SHISA9: variants seen among roughly 807,000 people sequenced by gnomAD.
SHISA9 encodes the protein shisa family member 9.
A neutral mutation model predicts 38.0 loss-of-function variants in SHISA9; 13 were observed. The observed-to-expected ratio is 0.34, with a 90% CI of 0.22 to 0.54. The LOEUF (loss-of-function observed/expected upper bound fraction) is 0.54. Ranked by LOEUF, SHISA9 falls within the 20% of genes least tolerant of loss-of-function variation. The pLI, the probability that SHISA9 is intolerant of heterozygous loss-of-function variation, is 0.91. For synonymous variants in SHISA9, 275 were observed against 242.0 expected (o/e 1.14, Z -1.27); for missense variants, 538 against 575.8 (o/e 0.93, Z 0.67).
the SHISA9 span, among the ~76,000 whole-genome samples, chr16:13,414,585 T>G: frequency 7.9e-5 from 12 of 151,772 alleles, no homozygotes; most frequent in African/African-American, 2.4e-4. Context: ...ATGTAGGGGC[T>G]CAAAACAAAT....
At chr16:13,037,541 G>A (rs2073089227) in intron 2 of SHISA9, among the ~76,000 whole-genome samples, 1 of 152,034 alleles carries the variant, frequency 6.6e-6, no homozygotes, top group Non-Finnish European at 1.5e-5. Flanking sequence ...GTGGATGAGA[G>A]AATGGGGGCA....
chr16:13,459,336 G>A, the SHISA9 span, among the ~76,000 whole-genome samples: 1 of 152,006 alleles, frequency 6.6e-6, no homozygotes, highest in South Asian at 2.1e-4. Context: ...GTGACATGGG[G>A]GGAGGAGGGT....
At chr16:12,996,089 C>G (rs1337662188) in intron 2 of SHISA9, among the ~76,000 whole-genome samples, 1 of 152,180 alleles carries the variant, frequency 6.6e-6, no homozygotes, top group Non-Finnish European at 1.5e-5. Context: ...GTACACGTGC[C>G]TCTTTTTATC....
chr16:13,014,393 C>T (rs1203340700), intron 2 of SHISA9, among the ~76,000 whole-genome samples: 1 of 152,128 alleles, frequency 6.6e-6, no homozygotes, highest in Non-Finnish European at 1.5e-5. Context: ...TTTCTGAGCC[C>T]ACTTGTTAAC....
intron 2 of SHISA9, among the ~76,000 whole-genome samples, chr16:13,081,875 A>G (rs142032859): frequency 1.5e-3 from 224 of 150,918 alleles, no homozygotes; most frequent in Non-Finnish European, 2.8e-3. Context: ...AAAGGTTTCT[A>G]CTGATCAACT....
At chr16:13,169,084 C>T (rs1015705485) in intron 2 of SHISA9, among the ~76,000 whole-genome samples, 9 of 152,178 alleles carry the variant, frequency 5.9e-5, no homozygotes, top group South Asian at 4.1e-4. Flanking sequence ...ATGACCCCTA[C>T]GGAAGACCTC....
the SHISA9 span, among the ~76,000 whole-genome samples, chr16:13,426,534 C>T: frequency 5.9e-5 from 9 of 152,088 alleles, no homozygotes; most frequent in African/African-American, 1.9e-4. Context: ...TCATAGAGGG[C>T]GCCACAGAGA....
chr16:13,039,189 A>G (rs1362514572), intron 2 of SHISA9, among the ~76,000 whole-genome samples: 1 of 152,178 alleles, frequency 6.6e-6, no homozygotes, highest in East Asian at 1.9e-4. Flanking sequence ...GATTACAGGC[A>G]TAAGCCACCG....
chr16:13,306,703 C>T, the SHISA9 span, among the ~76,000 whole-genome samples: 1 of 152,126 alleles, frequency 6.6e-6, no homozygotes, highest in Non-Finnish European at 1.5e-5. Context: ...TAACATCTTT[C>T]AGAGCAAGAC....
At chr16:13,376,526 T>C in the SHISA9 span, among the ~76,000 whole-genome samples, 1 of 152,198 alleles carries the variant, frequency 6.6e-6, no homozygotes, top group Non-Finnish European at 1.5e-5. Context: ...GCTGTTTTTT[T>C]CCAGAGAGTC....
intron 4 of SHISA9, among the ~76,000 whole-genome samples, chr16:13,216,284 CTTG>C (rs900526981): frequency 2.6e-5 from 4 of 151,340 alleles, no homozygotes; most frequent in South Asian, 2.1e-4. Flanking sequence ...ATTTGCTAGT[CTTG>C]TTGTCTTCAA....
At chr16:13,366,859 T>C in the SHISA9 span, among the ~76,000 whole-genome samples, 1 of 151,780 alleles carries the variant, frequency 6.6e-6, no homozygotes, top group Non-Finnish European at 1.5e-5. Flanking sequence ...GGCACATGCC[T>C]GTAATCCTAG....
the SHISA9 span, among the ~76,000 whole-genome samples, chr16:13,479,269 G>C: frequency 6.6e-6 from 1 of 152,228 alleles, no homozygotes; most frequent in Admixed American, 6.5e-5. Context: ...TAATCTCCCT[G>C]TCTCAAGATT....
At chr16:13,228,350 C>A (rs951909191) in intron 4 of SHISA9, among the ~76,000 whole-genome samples, 1 of 152,220 alleles carries the variant, frequency 6.6e-6, no homozygotes, top group Non-Finnish European at 1.5e-5. Flanking sequence ...ATTTTCCCCC[C>A]ATCTGCACGG....
the SHISA9 span, among the ~76,000 whole-genome samples, chr16:13,484,855 G>C: frequency 6.6e-6 from 1 of 152,076 alleles, no homozygotes; most frequent in Non-Finnish European, 1.5e-5. Context: ...CAGCAAGGGG[G>C]ACGTCCACTC....
At chr16:13,139,977 G>T (rs1460338316) in intron 2 of SHISA9, among the ~76,000 whole-genome samples, 1 of 152,024 alleles carries the variant, frequency 6.6e-6, no homozygotes, top group Admixed American at 6.6e-5. Flanking sequence ...GCCCAGCTTG[G>T]CTCTGGCTTT....
the SHISA9 span, among the ~76,000 whole-genome samples, chr16:13,430,289 G>T: frequency 6.6e-6 from 1 of 152,270 alleles, no homozygotes; most frequent in African/African-American, 2.4e-5. Flanking sequence ...GAGTATTGTG[G>T]GGACCAGTGC....
At chr16:13,445,017 T>C in the SHISA9 span, among the ~76,000 whole-genome samples, 1 of 96,948 alleles carries the variant, frequency 1.0e-5, no homozygotes, top group Admixed American at 1.0e-4. Flanking sequence ...TATATATATA[T>C]ATATATATAT....
chr16:13,483,486 G>GAT, the SHISA9 span, among the ~76,000 whole-genome samples: 2 of 152,062 alleles, frequency 1.3e-5, no homozygotes, highest in African/African-American at 2.4e-5. Flanking sequence ...GTGGTGTTTT[G>GAT]ATATATATAT....
Sources: gnomAD v4.1 joint callset for allele counts (sites outside exome capture counted in the v4.1 genomes callset) on GRCh38, gnomAD v4.1.1 for gene constraint, MANE v1.5 for transcripts, NCBI Gene and HGNC (gene_info 2026-07-23, HGNC 2026-07-21) for gene names.